PTPRD: variants seen among roughly 807,000 people sequenced by gnomAD.
PTPRD encodes the protein protein tyrosine phosphatase receptor type D.
Under a neutral mutation model 214.5 loss-of-function variants are expected in PTPRD, and 34 were observed. The observed-to-expected ratio is 0.16, with a 90% CI of 0.12 to 0.21. The LOEUF (loss-of-function observed/expected upper bound fraction) is 0.21, where lower values mean the gene tolerates loss of function less well. Among genes scored for constraint, PTPRD ranks in the 10% least tolerant of loss-of-function variants. PTPRD has a pLI of 1.00. For synonymous variants in PTPRD, 1,128 were observed against 845.7 expected, an observed-to-expected ratio of 1.33 and a Z score of -5.79; for missense variants, 2,545 against 2,398.7, an observed-to-expected ratio of 1.06 and a Z score of -1.27.
intron 3 of PTPRD, among the ~76,000 whole-genome samples, chr9:10,086,115 T>C (rs553845941): frequency 6.6e-6 from 1 of 151,854 alleles, no homozygotes; most frequent in East Asian, 2.0e-4. Context: ...TTGATAAAGG[T>C]TTTAGCATAT....
intron 10 of PTPRD, among the ~76,000 whole-genome samples, chr9:9,164,342 T>C (rs1326941012): frequency 1.3e-5 from 2 of 152,186 alleles, no homozygotes; most frequent in African/African-American, 2.4e-5. Context: ...TATTTTCACA[T>C]TGCCTTCCCA....
intron 3 of PTPRD, among the ~76,000 whole-genome samples, chr9:10,170,909 A>G (rs1434296804): frequency 6.6e-6 from 1 of 152,158 alleles, no homozygotes; most frequent in East Asian, 1.9e-4. Context: ...CTGATTCAAG[A>G]ACACACCCTC....
chr9:9,289,613 A>G (rs1465596973), intron 9 of PTPRD, among the ~76,000 whole-genome samples: 1 of 151,702 alleles, frequency 6.6e-6, no homozygotes, highest in Non-Finnish European at 1.5e-5. Context: ...CCCTTTGTAC[A>G]TCTCCCTATT....
chr9:8,495,265 A>T (rs2097237504), intron 26 of PTPRD, among the ~76,000 whole-genome samples: 5 of 152,172 alleles, frequency 3.3e-5, no homozygotes, highest in Admixed American at 3.3e-4. Flanking sequence ...TATTTTAATG[A>T]ACGGTAACAC....
At chr9:9,190,152 G>T (rs936810282) in intron 9 of PTPRD, among the ~76,000 whole-genome samples, 1 of 152,050 alleles carries the variant, frequency 6.6e-6, no homozygotes, top group Admixed American at 6.6e-5. Flanking sequence ...GAGGTGATTA[G>T]GTCATGAGGG....
chr9:8,699,910 T>G (rs1165110942), intron 12 of PTPRD, among the ~76,000 whole-genome samples: 1 of 152,214 alleles, frequency 6.6e-6, no homozygotes, highest in Admixed American at 6.5e-5. Flanking sequence ...GGCCATTTTG[T>G]AGGCCCTGAT....
chr9:8,631,864 T>C (rs1564843731), intron 14 of PTPRD, among the ~76,000 whole-genome samples: 1 of 151,914 alleles, frequency 6.6e-6, no homozygotes, highest in Non-Finnish European at 1.5e-5. Flanking sequence ...TATTTTCAGA[T>C]ACTTTGTCAA....
intron 3 of PTPRD, among the ~76,000 whole-genome samples, chr9:10,035,536 G>C (rs1210900157): frequency 6.6e-6 from 1 of 151,954 alleles, no homozygotes; most frequent in Admixed American, 6.6e-5. Context: ...GTGTTGCCTA[G>C]GTTATCTTCC....
At chr9:9,943,026 C>T (rs906908483) in intron 4 of PTPRD, among the ~76,000 whole-genome samples, 1 of 151,940 alleles carries the variant, frequency 6.6e-6, no homozygotes, top group Admixed American at 6.6e-5. Flanking sequence ...CCTGCACTAA[C>T]TCGGGGCAAA....
chr9:9,714,405 C>T (rs1235225568), intron 7 of PTPRD, among the ~76,000 whole-genome samples: 1 of 152,106 alleles, frequency 6.6e-6, no homozygotes, highest in Admixed American at 6.6e-5. Context: ...AAATGTGAAA[C>T]CATTTTAAAA....
chr9:10,497,342 C>T (rs535007920), intron 2 of PTPRD, among the ~76,000 whole-genome samples: 2 of 152,006 alleles, frequency 1.3e-5, no homozygotes, highest in South Asian at 4.1e-4. Flanking sequence ...TATCTTTTAT[C>T]ACGTGACATA....
At chr9:9,147,488 A>G (rs907423159) in intron 10 of PTPRD, among the ~76,000 whole-genome samples, 3 of 151,992 alleles carry the variant, frequency 2.0e-5, no homozygotes, top group Admixed American at 6.6e-5. Flanking sequence ...CTACACTAGG[A>G]CCTGCCAGTT....
chr9:10,242,644 T>A (rs2091319415), intron 3 of PTPRD, among the ~76,000 whole-genome samples: 1 of 150,506 alleles, frequency 6.6e-6, no homozygotes, highest in Admixed American at 6.7e-5. Flanking sequence ...TAACATGGTG[T>A]ATCTTCAGTG....
At chr9:10,420,973 G>A (rs1172600127) in intron 2 of PTPRD, among the ~76,000 whole-genome samples, 3 of 151,464 alleles carry the variant, frequency 2.0e-5, no homozygotes, top group African/African-American at 7.3e-5. Context: ...ATTTACACAG[G>A]GATTCCAATC....
At chr9:9,718,957 G>T (rs73390985) in intron 7 of PTPRD, among the ~76,000 whole-genome samples, 5 of 152,102 alleles carry the variant, frequency 3.3e-5, no homozygotes, top group Non-Finnish European at 7.4e-5. Context: ...TGGGTCCCTG[G>T]TGAAACCCAC....
intron 10 of PTPRD, among the ~76,000 whole-genome samples, chr9:9,178,377 T>G (rs2099926211): frequency 6.6e-6 from 1 of 152,020 alleles, no homozygotes; most frequent in Admixed American, 6.6e-5. Flanking sequence ...CCTTCTTTCC[T>G]TTTTTCTTTC....
intron 36 of PTPRD, among the ~76,000 whole-genome samples, chr9:8,391,536 C>T (rs1219878502): frequency 6.6e-6 from 1 of 152,144 alleles, no homozygotes; most frequent in Non-Finnish European, 1.5e-5. Context: ...GACGTGCACA[C>T]ATCTTACATA....
At chr9:10,604,737 G>A (rs75608828) in intron 2 of PTPRD, among the ~76,000 whole-genome samples, 5,479 of 151,854 alleles carry the variant, frequency 0.036, 348 homozygotes, top group African/African-American at 0.12. Context: ...ATAAGCCATG[G>A]TCCATTGAAA....
chr9:9,072,243 GAA>G (rs2099744787), intron 10 of PTPRD, among the ~76,000 whole-genome samples: 3 of 148,736 alleles, frequency 2.0e-5, no homozygotes, highest in African/African-American at 7.4e-5. Flanking sequence ...ATCTCAGAAA[GAA>G]AAGAGTCTTT....
Sources: allele counts gnomAD v4.1 joint callset (sites outside exome capture counted in the v4.1 genomes callset), GRCh38; gene constraint gnomAD v4.1.1; transcripts MANE v1.5; gene names NCBI Gene and HGNC (gene_info 2026-07-23, HGNC 2026-07-21).